The following MCTP1 variants were observed in gnomAD, a reference collection of about 807,000 sequenced individuals.
MCTP1 encodes multiple C2 and transmembrane domain containing 1, also known as multiple C2 and transmembrane domain-containing protein 1.
In MCTP1, 69 loss-of-function variants were observed where a neutral mutation model predicts 120.6. The observed-to-expected ratio is 0.57, with a 90% CI of 0.47 to 0.70. The LOEUF is 0.70. Ranked by LOEUF, MCTP1 falls within the 30% of genes least tolerant of loss-of-function variation. The probability of loss-of-function intolerance (pLI) is 0.00; values close to 1 mark genes in which losing one functional copy is unlikely to be tolerated. For missense variants in MCTP1, 1,203 were observed against 1,248.8 expected, an observed-to-expected ratio of 0.96 and a Z score of 0.55; for synonymous variants, 529 against 493.1, an observed-to-expected ratio of 1.07 and a Z score of -0.96.
chr5:95,279,009 T>C (rs1402263025), intron 1 of MCTP1, among the ~76,000 whole-genome samples: 1 of 151,826 alleles, frequency 6.6e-6, no homozygotes, highest in Non-Finnish European at 1.5e-5. Flanking sequence ...TGCAGATGCC[T>C]GCTACGATAT....
Position 95,001,124 on chromosome 5 carries a change from C to T in MCTP1, c.838+16243G>A, listed in dbSNP as rs148706993. ...TGGCACTCATTTTCTCTCCTGCCACCCTGCAAAGAGGCACCTTGTGCCATG... is the reference window on the plus strand; with the variant it reads ...TGGCACTCATTTTCTCTCCTGCCACTCTGCAAAGAGGCACCTTGTGCCATG... On this transcript the variant is annotated intron_variant, in intron 2 of 22. Transcript: ENST00000515393. Among the ~76,000 whole-genome samples, 1,241 of 152,312 alleles carry T rather than the reference C, an allele frequency of 8.1e-3. 22 individuals are homozygous for T. Among genetic ancestry groups the T allele is most frequent in the African/African-American group, 0.029 (1,193 of 41,576 alleles).
intron 6 of MCTP1, among the ~76,000 whole-genome samples, chr5:94,925,366 T>G (rs1812780437): frequency 6.6e-6 from 1 of 152,100 alleles, no homozygotes; most frequent in African/African-American, 2.4e-5. Context: ...TACGCTTCAG[T>G]CTTCATCAAG....
chr5:95,005,645 G>A (rs992172006), intron 2 of MCTP1, among the ~76,000 whole-genome samples: 1 of 152,092 alleles, frequency 6.6e-6, no homozygotes, highest in African/African-American at 2.4e-5. Flanking sequence ...TTGCTGGACA[G>A]ATGAATATGT....
At chr5:95,027,936 CAG>C (rs1454003260) in intron 1 of MCTP1, among the ~76,000 whole-genome samples, 2 of 152,192 alleles carry the variant, frequency 1.3e-5, no homozygotes, top group African/African-American at 4.8e-5. Context: ...AAGTGAGCTG[CAG>C]AGAGAGGCTG....
At chr5:94,782,421 C>T (rs148131609) in intron 18 of MCTP1, among the ~76,000 whole-genome samples, 1 of 152,120 alleles carries the variant, frequency 6.6e-6, no homozygotes, top group Non-Finnish European at 1.5e-5. Context: ...TTTAATGGTC[C>T]AGTGAAATGG....
chr5:94,873,212 G>T lies in MCTP1; in HGVS notation c.1963C>A (p.Leu655Met). Residue 655 changes from leucine (L) to methionine (M), a missense_variant, in exon 13 of 23, where the codon CTG becomes ATG. By Grantham distance (15) the Leu-to-Met change is conservative (BLOSUM62 2). Coordinates refer to ENST00000515393, the MANE Select transcript of MCTP1 (RefSeq NM_024717.7). ...GKSDPFCVVE[L>M]NNDRLLTHTV... ...TGTGTTAGCAGTCTATCGTTGTTCAGTTCTACCACACAAAATGGGTCACTT... is the reference window on the plus strand; with the variant it reads ...TGTGTTAGCAGTCTATCGTTGTTCATTTCTACCACACAAAATGGGTCACTT... The T allele has an allele frequency of 1.2e-6, 2 of 1,609,946 alleles. No homozygotes were observed. The highest frequency in any genetic ancestry group is 4.5e-5 in the East Asian group (2 of 44,738).
intron 1 of MCTP1, among the ~76,000 whole-genome samples, chr5:95,141,426 A>C (rs992585325): frequency 5.9e-5 from 9 of 152,230 alleles, no homozygotes; most frequent in African/African-American, 2.2e-4. Context: ...TCTGCCTCTC[A>C]GCGTCTAGCC....
intron 16 of MCTP1, among the ~76,000 whole-genome samples, chr5:94,869,021 T>C (rs912420320): frequency 3.9e-5 from 6 of 152,030 alleles, no homozygotes; most frequent in East Asian, 1.9e-4. Flanking sequence ...ATTTAACCTA[T>C]ATTTTCTCAT....
chr5:94,880,789 G>A (rs1799888025), intron 12 of MCTP1, among the ~76,000 whole-genome samples: 1 of 152,088 alleles, frequency 6.6e-6, no homozygotes, highest in Non-Finnish European at 1.5e-5. Context: ...GTTGGCAAAT[G>A]TAATTTGTGG....
chr5:95,128,886 T>C (rs1758827073), intron 1 of MCTP1, among the ~76,000 whole-genome samples: 1 of 152,166 alleles, frequency 6.6e-6, no homozygotes, highest in Non-Finnish European at 1.5e-5. Flanking sequence ...GAGAGCCCTT[T>C]CAACAATAAC....
intron 1 of MCTP1, among the ~76,000 whole-genome samples, chr5:95,077,867 C>T (rs1753976875): frequency 6.6e-6 from 1 of 152,168 alleles, no homozygotes; most frequent in Non-Finnish European, 1.5e-5. Flanking sequence ...ACATTGAAAA[C>T]TATCAGACAA....
chr5:94,828,788 C>T (rs1787827979), intron 17 of MCTP1, among the ~76,000 whole-genome samples: 1 of 152,130 alleles, frequency 6.6e-6, no homozygotes, highest in Non-Finnish European at 1.5e-5. Context: ...TGGCGGGTGT[C>T]CCTCCCCATC....
chr5:95,238,172 G>A (rs1487432320), intron 1 of MCTP1, among the ~76,000 whole-genome samples: 2 of 152,096 alleles, frequency 1.3e-5, no homozygotes, highest in African/African-American at 4.8e-5. Flanking sequence ...TTCCCATGCC[G>A]GTCTCCTTGG....
intron 2 of MCTP1, among the ~76,000 whole-genome samples, chr5:94,999,105 C>CT (rs1833160747): frequency 2.0e-5 from 3 of 152,182 alleles, no homozygotes; most frequent in Admixed American, 2.0e-4. Flanking sequence ...TTAATACATA[C>CT]TTTGTATACT....
intron 17 of MCTP1, among the ~76,000 whole-genome samples, chr5:94,845,087 A>G (rs926421657): frequency 6.6e-6 from 1 of 152,222 alleles, no homozygotes; most frequent in Non-Finnish European, 1.5e-5. Context: ...CTGACAAAAG[A>G]TCGAATATCC....
chr5:95,072,740 ATTTTTTTTTT>A (rs11421165), intron 1 of MCTP1, among the ~76,000 whole-genome samples: 2 of 95,282 alleles, frequency 2.1e-5, no homozygotes, highest in Admixed American at 1.5e-4. Context: ...CTTAGCAACT[ATTTTTTTTTT>A]TTTTTTTTTT....
At chr5:95,108,148 G>C (rs1757222380) in intron 1 of MCTP1, among the ~76,000 whole-genome samples, 1 of 152,166 alleles carries the variant, frequency 6.6e-6, no homozygotes, top group African/African-American at 2.4e-5. Flanking sequence ...TCCATACACT[G>C]GAGTTTATTT....
chr5:95,284,266 G>T lies in MCTP1; in HGVS notation c.310C>A (p.Pro104Thr). The stretch of plus-strand genomic sequence containing the variant: ...GCGCCGCCGGGCTCCAGGGGCTCCG[G>T]CGACGAGCAGCACAGGTTGGGCTGC... ...SSQPNLCCSS[P>T]EPLEPGGAGR... The change falls in exon 1 of 23, where the codon CCG becomes ACG. Residue 104 changes from proline (P) to threonine (T), a missense_variant. Coordinates refer to ENST00000515393, the MANE Select transcript of MCTP1 (RefSeq NM_024717.7). The surrounding 1 kb of genome is among the most constrained non-coding windows in gnomAD (Gnocchi z 5.2). The T allele has an allele frequency of 4.4e-6, 7 of 1,592,482 alleles. No homozygotes were observed. The highest frequency in any genetic ancestry group is 5.9e-6 in the Non-Finnish European group (7 of 1,176,608).
intron 17 of MCTP1, among the ~76,000 whole-genome samples, chr5:94,804,837 C>T (rs766240558): frequency 2.0e-5 from 3 of 151,984 alleles, no homozygotes; most frequent in Non-Finnish European, 2.9e-5. Flanking sequence ...TTGTAGAAGA[C>T]GAGTGGTGTT....
Sources: allele counts gnomAD v4.1 joint callset (sites outside exome capture counted in the v4.1 genomes callset), GRCh38; gene constraint gnomAD v4.1.1; non-coding constraint Gnocchi (gnomAD v3.1); transcripts MANE v1.5; gene names NCBI Gene and HGNC (gene_info 2026-07-23, HGNC 2026-07-21).